SLX4: variants seen among roughly 807,000 people sequenced by gnomAD.
SLX4 encodes structure-specific endonuclease subunit SLX4.
Under a neutral mutation model 146.2 loss-of-function variants are expected in SLX4, and 112 were observed. The ratio of observed to expected loss-of-function variants is 0.77; its 90% CI spans 0.66 to 0.90. SLX4 has a LOEUF of 0.90. SLX4 is among the 40% of genes least tolerant of loss of function. The probability of loss-of-function intolerance (pLI) is 0.00; values close to 1 mark genes in which losing one functional copy is unlikely to be tolerated. For synonymous variants in SLX4, 1,061 were observed against 997.7 expected, an observed-to-expected ratio of 1.06 and a Z score of -1.20; for missense variants, 2,563 against 2,392.7, an observed-to-expected ratio of 1.07 and a Z score of -1.49.
intron 3 of SLX4, among the ~76,000 whole-genome samples, chr16:3,604,676 C>G (rs2040763685): frequency 6.6e-6 from 1 of 151,932 alleles, no homozygotes; most frequent in African/African-American, 2.4e-5. Flanking sequence ...CAAAAATTAG[C>G]TGGACGTGGT....
chr16:3,590,418 G>C lies in SLX4; in HGVS notation c.3220C>G (p.Leu1074Val). ...GTSQVGSPTL[L>V]SPAVPSKQKR... ...TGCTTTGATGGCACAGCTGGAGACA[G>C]CAAGGTTGGGGAGCCCACCTGGGAA... is the stretch of plus-strand genomic sequence containing the variant. Residue 1074 changes from leucine (L) to valine (V), a missense_variant, in exon 12 of 15, where the codon CTG becomes GTG. Leu to Val is a conservative substitution (Grantham distance 32, BLOSUM62 1). Coordinates refer to ENST00000294008, the MANE Select transcript of SLX4 (RefSeq NM_032444.4). This position sits in a 1 kb window ranked among gnomAD's most constrained non-coding sequence, Gnocchi z 4.8. 1 of 1,614,228 alleles carries C rather than the reference G, an allele frequency of 6.2e-7. No homozygotes were observed. Among genetic ancestry groups the C allele is most frequent in the South Asian group, 1.1e-5 (1 of 91,088 alleles).
chr16:3,603,047 TG>T (rs1244769502), intron 3 of SLX4, among the ~76,000 whole-genome samples: 2 of 152,082 alleles, frequency 1.3e-5, no homozygotes, highest in Non-Finnish European at 2.9e-5. Context: ...TTTGGTGCCC[TG>T]TTTTGTTTGT....
Position 3,582,669 on chromosome 16 carries a change from C to T in SLX4, c.5178G>A (p.Ala1726=), listed in dbSNP as rs140666540. 66 of 1,612,774 alleles carry T rather than the reference C, an allele frequency of 4.1e-5. No individual in the cohort carries two copies. Among genetic ancestry groups the T allele is most frequent in the African/African-American group, 6.7e-5 (5 of 74,928 alleles). Residue 1726 remains alanine (A), a synonymous_variant, in exon 15 of 15, where the codon GCG becomes GCA. Coordinates refer to ENST00000294008, the MANE Select transcript of SLX4 (RefSeq NM_032444.4). ...SQSSSSCEFG[A]AFESAGEEEG... is the part of the protein sequence containing the mutation. ...CCTCTTCACCTGCAGACTCAAATGC[C>T]GCTCCAAACTCACAGGAGGAAGAAC...
rs1457147753 is a variant in SLX4, at chr16:3,589,476, G to A, written c.4162C>T (p.Pro1388Ser). The A allele has an allele frequency of 6.2e-7, 1 of 1,608,854 alleles. No individual in the cohort carries two copies. Among genetic ancestry groups the A allele is most frequent in the Admixed American group, 1.7e-5 (1 of 59,962 alleles). The stretch of plus-strand genomic sequence containing the variant: ...CCGACTTCCACCACTTCACCCGCTG[G>A]GGTCTGGTTCAGGAAGCTTGGCCCA... ...PPGPSFLNQT[P>S]AGEVVEVGDS... The change falls in exon 12 of 15, where the codon CCA becomes TCA. Residue 1388 changes from proline (P) to serine (S), a missense_variant. Transcript: ENST00000294008. This position sits in a 1 kb window ranked among gnomAD's most constrained non-coding sequence, Gnocchi z 6.2.
At position 3,582,488 on chromosome 16, in the gene SLX4, G is replaced by T; in HGVS notation, c.5359C>A (p.Gln1787Lys). Residue 1787 changes from glutamine to lysine, a missense_variant, in exon 15 of 15, where the codon CAG becomes AAG. By Grantham distance (53) the Gln-to-Lys change is moderately conservative. Coordinates refer to ENST00000294008, the MANE Select transcript of SLX4 (RefSeq NM_032444.4). ...ELRELQAELR[Q>K]NGLRVSSRRL... ...CGCGAGGACACACGGAGGCCGTTCT[G>T]CCTCAGCTCTGCCTGCAGCTCCCGC... The T allele has an allele frequency of 1.2e-6, 2 of 1,614,044 alleles. No individual in the cohort carries two copies. The highest frequency in any genetic ancestry group is 1.6e-4 in the Middle Eastern group (1 of 6,062).
intron 11 of SLX4, among the ~76,000 whole-genome samples, chr16:3,591,629 C>A (rs942301166): frequency 6.6e-6 from 1 of 152,184 alleles, no homozygotes; most frequent in African/African-American, 2.4e-5. Context: ...GCCTCAGAGG[C>A]TCTTAAGATA....
chr16:3,586,427 G>C (rs1192477948), intron 12 of SLX4, among the ~76,000 whole-genome samples: 1 of 152,030 alleles, frequency 6.6e-6, no homozygotes, highest in Non-Finnish European at 1.5e-5. Flanking sequence ...AGGTTGAGGT[G>C]GGAGGATCAC....
At chr16:3,606,814 T>C (rs2040791122) in intron 2 of SLX4, 116 bp from the exon 3 acceptor site, 3 of 1,087,614 alleles carry the variant, frequency 2.8e-6, no homozygotes, top group African/African-American at 1.5e-5. Context: ...TAGTTTAGGT[T>C]TGACTCACAA....
Position 3,597,821 on chromosome 16 carries a change from A to G in SLX4, c.1342T>C (p.Ser448Pro), listed in dbSNP as rs779490065. 6.2e-7 allele frequency: 1 copy of G among 1,614,116 alleles called. No homozygotes were observed. Among genetic ancestry groups the G allele is most frequent in the Admixed American group, 1.7e-5 (1 of 60,022 alleles). ...CCTGCTTCTGGTCTTATCCTCTCAG[A>G]AAAGGCACTTTCCAGCCTGAGCGCT... The part of the protein sequence containing the change: ...VPALRLESAF[S>P]ERIRPEAENK... Residue 448 changes from serine (S) to proline (P), a missense_variant, in exon 6 of 15, where the codon TCT becomes CCT. By Grantham distance (74) the Ser-to-Pro change is moderately conservative (BLOSUM62 -1). Coordinates refer to ENST00000294008, the MANE Select transcript of SLX4 (RefSeq NM_032444.4). This position sits in a 1 kb window ranked among gnomAD's most constrained non-coding sequence, Gnocchi z 4.4.
At position 3,606,649 on chromosome 16, in the gene SLX4, T is replaced by C. The variant is rs767065596; in HGVS notation, c.585A>G (p.Thr195=). The C allele has an allele frequency of 6.2e-7, 1 of 1,614,204 alleles. No homozygotes were observed. Among genetic ancestry groups the C allele is most frequent in the Non-Finnish European group, 8.5e-7 (1 of 1,180,036 alleles). ...GGGGTTTGGAGGGACTTGGCACTGC[T>C]GTTGTCAAACAGGAAGGAGGAGGCT... ...DSQPPPSCLT[T]AVPSPSKPRT... Residue 195 remains threonine, a synonymous_variant, in exon 3 of 15, where the codon ACA becomes ACG. Coordinates refer to ENST00000294008, the MANE Select transcript of SLX4 (RefSeq NM_032444.4).
At position 3,597,288 on chromosome 16, in the gene SLX4, C is replaced by T. The variant is rs1444788347; in HGVS notation, c.1683+91G>A. ...CTCTGCCTTTCCTTCCTGGACTTTC[C>T]ATCACCTGGCTGTGGGTACCCAGTG... On this transcript the variant is annotated intron_variant, in intron 7 of 14. Coordinates refer to ENST00000294008, the MANE Select transcript of SLX4 (RefSeq NM_032444.4). This position sits in a 1 kb window ranked among gnomAD's most constrained non-coding sequence, Gnocchi z 4.4. 62 of 1,397,158 alleles carry T rather than the reference C, an allele frequency of 4.4e-5. 1 individual carries two copies. The East Asian group carries it at 6.3e-4, about 14-fold the overall frequency. 86.5% of individuals were successfully genotyped at this position (1,397,158 alleles called of 1,614,324 possible).
chr16:3,600,887 C>T (rs1001954056), intron 5 of SLX4, 92 bp downstream of exon 5: 56 of 1,367,254 alleles, frequency 4.1e-5, no homozygotes, highest in Middle Eastern at 2.5e-4. Context: ...TGAACTACTG[C>T]GTCCAGCCCA....
Position 3,582,690 on chromosome 16 carries a change from A to G in SLX4, c.5157T>C (p.Ser1719=), listed in dbSNP as rs1016921330. The G allele has an allele frequency of 1.2e-6, 2 of 1,610,902 alleles. No homozygotes were observed. The highest frequency in any genetic ancestry group is 1.7e-6 in the Non-Finnish European group (2 of 1,179,738). Residue 1719 remains serine (S), a synonymous_variant, in exon 15 of 15, where the codon TCT becomes TCC. Coordinates refer to ENST00000294008, the MANE Select transcript of SLX4 (RefSeq NM_032444.4). ...ATGCCGCTCCAAACTCACAGGAGGA[A>G]GAACTGAAAAGAGCCAGACCAGGAC... is the stretch of plus-strand genomic sequence containing the variant. The part of the protein sequence containing the change: ...GSDSSLSSQS[S]SSCEFGAAFE...
chr16:3,592,465 G>A, intron 11 of SLX4, among the ~76,000 whole-genome samples: 1 of 152,238 alleles, frequency 6.6e-6, no homozygotes, highest in East Asian at 1.9e-4. Flanking sequence ...ACTCAATAGA[G>A]TCCTCCTGAT....
chr16:3,591,351 G>A (rs1241382996), intron 11 of SLX4, 41 bp from the exon 12 acceptor site: 1 of 1,604,036 alleles, frequency 6.2e-7, no homozygotes, highest in African/African-American at 1.3e-5. Flanking sequence ...CCTCTGCGTG[G>A]AGATGGGCTC....
At chr16:3,603,779 A>G (rs2040753936) in intron 3 of SLX4, among the ~76,000 whole-genome samples, 1 of 152,234 alleles carries the variant, frequency 6.6e-6, no homozygotes, top group African/African-American at 2.4e-5. Context: ...GCTATGGGGC[A>G]CTGTCGCCAC....
At chr16:3,582,894 T>C (rs146317452) in intron 14 of SLX4, among the ~76,000 whole-genome samples, 1 of 152,260 alleles carries the variant, frequency 6.6e-6, no homozygotes, top group Non-Finnish European at 1.5e-5. Context: ...ATGTCTAGCA[T>C]GTGGGGCAGG....
intron 5 of SLX4, chr16:3,600,510 T>A: frequency 4.7e-6 from 1 of 212,556 alleles, no homozygotes; most frequent in Non-Finnish European, 9.4e-6. Flanking sequence ...CACTCCCTTC[T>A]AGACTGTGCC....
At chr16:3,596,648 C>G (rs1275316604) in intron 7 of SLX4, among the ~76,000 whole-genome samples, 2 of 152,238 alleles carry the variant, frequency 1.3e-5, no homozygotes, top group South Asian at 4.1e-4. Flanking sequence ...TGCACAAAGG[C>G]TTGTCAGAGG....
Sources: gnomAD v4.1 joint callset for allele counts (sites outside exome capture counted in the v4.1 genomes callset) on GRCh38, gnomAD v4.1.1 for gene constraint, Gnocchi (gnomAD v3.1) non-coding constraint, MANE v1.5 for transcripts, NCBI Gene and HGNC (gene_info 2026-07-23, HGNC 2026-07-21) for gene names.